The following ASAP1 variants were observed in gnomAD, a reference collection of about 807,000 sequenced individuals.
The protein encoded by ASAP1 is arf-GAP with SH3 domain, ANK repeat and PH domain-containing protein 1.
Under a neutral mutation model 145.2 loss-of-function variants are expected in ASAP1, and 43 were observed. The observed-to-expected ratio is 0.30, with a 90% CI of 0.23 to 0.38. The LOEUF is 0.38. Ranked by LOEUF, ASAP1 falls within the 10% of genes least tolerant of loss-of-function variation. The probability of loss-of-function intolerance (pLI) is 1.00; values close to 1 mark genes in which losing one functional copy is unlikely to be tolerated. For missense variants in ASAP1, 1,018 were observed against 1,355.3 expected, an observed-to-expected ratio of 0.75 and a Z score of 3.91; for synonymous variants, 546 against 515.5, an observed-to-expected ratio of 1.06 and a Z score of -0.80.
At chr8:130,324,515 C>A (rs1332911616) in intron 3 of ASAP1, among the ~76,000 whole-genome samples, 1 of 152,100 alleles carries the variant, frequency 6.6e-6, no homozygotes, top group Non-Finnish European at 1.5e-5. Flanking sequence ...CACAGTGAGG[C>A]AAACTGACTT....
Position 130,374,869 on chromosome 8 carries a change from G to A in ASAP1, c.60-16726C>T, listed in dbSNP as rs143648340. Among the ~76,000 whole-genome samples, 100 of 152,262 alleles carry A rather than the reference G, an allele frequency of 6.6e-4. No homozygotes were observed. The East Asian group carries it at 0.014, about 21-fold the overall frequency. Reference sequence around the variant, plus strand: ...TTTATCCCTTAAGGATAGTGGTGTCGCTGTTCACAGAGCCCCCAAACACAA... The same window carrying A: ...TTTATCCCTTAAGGATAGTGGTGTCACTGTTCACAGAGCCCCCAAACACAA... On this transcript the variant is annotated intron_variant, in intron 2 of 29. Coordinates refer to ENST00000518721, the MANE Select transcript of ASAP1 (RefSeq NM_018482.4).
intron 2 of ASAP1, among the ~76,000 whole-genome samples, chr8:130,383,341 A>C (rs1451210258): frequency 6.6e-6 from 1 of 152,188 alleles, no homozygotes; most frequent in Non-Finnish European, 1.5e-5. Context: ...TTTTGTCGAA[A>C]ATAAATTCTT....
At position 130,052,796 on chromosome 8, in the gene ASAP1, C is replaced by T. The variant is rs1459806649; in HGVS notation, c.*1935G>A. The T allele has an allele frequency of 6.7e-6, 1 of 149,046 alleles. No individual in the cohort carries two copies. The highest frequency in any genetic ancestry group is 1.5e-5 in the Non-Finnish European group (1 of 67,668). The allele number at this position is 149,046 out of a possible 1,614,324, so 9.2% of individuals were successfully genotyped here. A position where few individuals can be genotyped will look rare whatever the true frequency, so the allele number is the denominator to read the frequency against. On this transcript the variant is annotated 3_prime_UTR_variant, in exon 30 of 30. Transcript: ENST00000518721. ...TGAGATCAGTGAAAAGAGTCTAGGCCACAGAAAAGAACAGCTCTTTAATGC... is the reference window on the plus strand; with the variant it reads ...TGAGATCAGTGAAAAGAGTCTAGGCTACAGAAAAGAACAGCTCTTTAATGC...
intron 3 of ASAP1, among the ~76,000 whole-genome samples, chr8:130,239,924 T>C (rs529717161): frequency 3.9e-5 from 6 of 152,240 alleles, no homozygotes; most frequent in African/African-American, 1.4e-4. Flanking sequence ...CAAGTCCAAG[T>C]TTCCCCTGAA....
At chr8:130,124,181 T>C (rs111366958) in intron 17 of ASAP1, 77 bp from the exon 18 acceptor site, 25,828 of 1,023,728 alleles carry the variant, frequency 0.025, 417 homozygotes, top group African/African-American at 0.047. Context: ...TATTTGTTTT[T>C]GAGATTTATG....
At chr8:130,116,348 A>G (rs1227963802) in intron 22 of ASAP1, among the ~76,000 whole-genome samples, 2 of 152,226 alleles carry the variant, frequency 1.3e-5, no homozygotes, top group Non-Finnish European at 2.9e-5. Context: ...CAATTTTTGG[A>G]GCAGCTTCTC....
At chr8:130,140,111 C>T in intron 13 of ASAP1, among the ~76,000 whole-genome samples, 1 of 150,362 alleles carries the variant, frequency 6.7e-6, no homozygotes, top group East Asian at 1.9e-4. Context: ...TAGATCACTG[C>T]AGTCTCAACC....
At chr8:130,169,391 G>T (rs530345095) in intron 9 of ASAP1, among the ~76,000 whole-genome samples, 2 of 152,278 alleles carry the variant, frequency 1.3e-5, no homozygotes, top group African/African-American at 4.8e-5. Flanking sequence ...ACATAGAACA[G>T]TTCTTCCCAG....
chr8:130,180,540 C>A (rs1256266360), intron 8 of ASAP1, among the ~76,000 whole-genome samples: 1 of 152,200 alleles, frequency 6.6e-6, no homozygotes, highest in Non-Finnish European at 1.5e-5. Context: ...GCTTAAACAG[C>A]CCCATAGGGC....
chr8:130,161,913 G>A (rs1158174663), intron 11 of ASAP1, among the ~76,000 whole-genome samples: 1 of 152,098 alleles, frequency 6.6e-6, no homozygotes, highest in African/African-American at 2.4e-5. Flanking sequence ...TGAGTCTCTC[G>A]CCTCAGCCTT....
intron 1 of ASAP1, among the ~76,000 whole-genome samples, chr8:130,420,758 G>C (rs1344721997): frequency 1.3e-5 from 2 of 152,066 alleles, no homozygotes; most frequent in African/African-American, 4.8e-5. Flanking sequence ...GCCAGGCGTA[G>C]TGGTGCACAC....
chr8:130,423,713 T>C (rs980192135), intron 1 of ASAP1, among the ~76,000 whole-genome samples: 8 of 152,240 alleles, frequency 5.3e-5, no homozygotes, highest in Non-Finnish European at 1.2e-4. Flanking sequence ...TGTCTATGAG[T>C]ATATCAGCAT....
At position 130,149,991 on chromosome 8, in the gene ASAP1, G is replaced by A. The variant is rs2135937559; in HGVS notation, c.1080+2745C>T. Among the ~76,000 whole-genome samples, 3 of 152,298 alleles carry A rather than the reference G, an allele frequency of 2.0e-5. No individual in the cohort carries two copies. In the South Asian group the frequency reaches 6.2e-4, roughly 32 times the overall value. ...CAGGAGAGTGCTGATGTTTGTAGCA[G>A]GAGGGTTTGCTTGTCAACAGATTTC... On this transcript the variant is annotated intron_variant, in intron 13 of 29. Coordinates refer to ENST00000518721, the MANE Select transcript of ASAP1 (RefSeq NM_018482.4).
intron 3 of ASAP1, among the ~76,000 whole-genome samples, chr8:130,307,038 T>C (rs1332147082): frequency 1.3e-5 from 2 of 152,226 alleles, no homozygotes; most frequent in Non-Finnish European, 2.9e-5. Context: ...CTTAAAGAGA[T>C]ACCTCTGGGC....
chr8:130,405,321 A>T (rs1368296911), intron 1 of ASAP1, among the ~76,000 whole-genome samples: 1 of 152,200 alleles, frequency 6.6e-6, no homozygotes, highest in Admixed American at 6.5e-5. Flanking sequence ...TGTCCAAGAC[A>T]GTGTGTGGCA....
At chr8:130,260,998 C>T (rs914867687) in intron 3 of ASAP1, among the ~76,000 whole-genome samples, 1 of 152,100 alleles carries the variant, frequency 6.6e-6, no homozygotes, top group African/African-American at 2.4e-5. Context: ...CAACTTTACG[C>T]AGAGATGCAG....
intron 13 of ASAP1, among the ~76,000 whole-genome samples, chr8:130,145,445 G>A (rs1355021587): frequency 1.3e-5 from 2 of 152,076 alleles, no homozygotes; most frequent in Non-Finnish European, 2.9e-5. Context: ...AGCCTCCCGA[G>A]TAGCTGGGAT....
At chr8:130,326,454 C>T (rs1237751746) in intron 3 of ASAP1, among the ~76,000 whole-genome samples, 1 of 152,196 alleles carries the variant, frequency 6.6e-6, no homozygotes, top group African/African-American at 2.4e-5. Context: ...AATTTCCACC[C>T]CAAATAAAAT....
intron 24 of ASAP1, among the ~76,000 whole-genome samples, chr8:130,099,303 C>T (rs2097524514): frequency 6.6e-6 from 1 of 151,838 alleles, no homozygotes; most frequent in South Asian, 2.1e-4. Flanking sequence ...CTCAGCCTCC[C>T]GAGTAGCTGG....
Sources: gnomAD v4.1 joint callset for allele counts (sites outside exome capture counted in the v4.1 genomes callset) on GRCh38, gnomAD v4.1.1 for gene constraint, MANE v1.5 for transcripts, NCBI Gene and HGNC (gene_info 2026-07-23, HGNC 2026-07-21) for gene names.